MTSS1: variants seen among roughly 807,000 people sequenced by gnomAD.
MTSS1 encodes the protein protein MTSS 1.
MTSS1 carries 18 observed loss-of-function variants against 79.0 expected under a neutral mutation model. That is an observed-to-expected ratio of 0.23 (90% CI 0.16 to 0.34). The LOEUF (loss-of-function observed/expected upper bound fraction) is 0.34. Among genes scored for constraint, MTSS1 ranks in the 10% least tolerant of loss-of-function variants. The pLI is 1.00. For missense variants in MTSS1, 815 were observed against 986.2 expected (o/e 0.83, Z 2.33); for synonymous variants, 341 against 368.6 (o/e 0.93, Z 0.86).
At chr8:124,714,590 T>C (rs1831646776) in intron 1 of MTSS1, among the ~76,000 whole-genome samples, 1 of 152,142 alleles carries the variant, frequency 6.6e-6, no homozygotes, top group Non-Finnish European at 1.5e-5. Flanking sequence ...AGCCTCTGTG[T>C]AGCTGGGACT....
At chr8:124,700,013 C>G (rs917669990) in intron 2 of MTSS1, among the ~76,000 whole-genome samples, 3 of 151,988 alleles carry the variant, frequency 2.0e-5, no homozygotes, top group African/African-American at 7.3e-5. Context: ...GTGGTATGCA[C>G]CTATAATCCC....
intron 2 of MTSS1, among the ~76,000 whole-genome samples, chr8:124,702,098 C>T (rs1829783094): frequency 6.6e-6 from 1 of 152,184 alleles, no homozygotes; most frequent in Non-Finnish European, 1.5e-5. Flanking sequence ...CTGTTCATTA[C>T]TTTAAGCTTC....
At chr8:124,572,272 A>G (rs1374719115) in intron 6 of MTSS1, among the ~76,000 whole-genome samples, 3 of 152,232 alleles carry the variant, frequency 2.0e-5, no homozygotes, top group Admixed American at 1.3e-4. Context: ...AAAGATTGCT[A>G]TAATTATAGT....
In MTSS1 at chr8:124,728,165, G is replaced by A; in HGVS notation, c.-210C>T. 1 of 447,918 alleles carries A rather than the reference G, an allele frequency of 2.2e-6. No individual in the cohort carries two copies. The highest frequency in any genetic ancestry group is 4.4e-5 in the Admixed American group (1 of 22,936). The allele number at this position is 447,918 out of a possible 1,614,324, so 27.7% of individuals were successfully genotyped here. ...TTTAAAAAGCCAAACCGCTCTGTAG[G>A]GTATTCGCCTACAAGCAGCGCTCGG... On this transcript the variant is annotated 5_prime_UTR_variant, in exon 1 of 14. Coordinates refer to ENST00000518547, the MANE Select transcript of MTSS1 (RefSeq NM_014751.6). This position sits in a 1 kb window ranked among gnomAD's most constrained non-coding sequence, Gnocchi z 6.1.
chr8:124,699,460 C>T (rs1829381115), intron 3 of MTSS1, 66 bp downstream of exon 3: 13 of 1,428,268 alleles, frequency 9.1e-6, no homozygotes, highest in Non-Finnish European at 1.2e-5. Flanking sequence ...CTTGTGCAGC[C>T]ACCCAAGGGG....
intron 1 of MTSS1, among the ~76,000 whole-genome samples, chr8:124,724,829 G>A (rs1833448735): frequency 6.6e-6 from 1 of 152,158 alleles, no homozygotes; most frequent in Non-Finnish European, 1.5e-5. Context: ...ATGCAGTCAA[G>A]ATCGTCTACA....
At chr8:124,649,195 T>C (rs1231042364) in intron 3 of MTSS1, among the ~76,000 whole-genome samples, 2 of 152,244 alleles carry the variant, frequency 1.3e-5, no homozygotes, top group Admixed American at 6.5e-5. Flanking sequence ...TGTTTATCTA[T>C]TATCTAGGGC....
chr8:124,676,579 T>C (rs902738126), intron 3 of MTSS1, among the ~76,000 whole-genome samples: 2 of 152,212 alleles, frequency 1.3e-5, no homozygotes, highest in Non-Finnish European at 2.9e-5. Flanking sequence ...TAAACTCAGG[T>C]AATGGAGAGG....
At chr8:124,558,944 A>G (rs1824646948) in intron 10 of MTSS1, 3 of 1,343,066 alleles carry the variant, frequency 2.2e-6, no homozygotes, top group Non-Finnish European at 3.0e-6. Context: ...GGGCACACAC[A>G]GAGAGAAAGA....
chr8:124,622,783 G>T (rs1813843790), intron 3 of MTSS1, among the ~76,000 whole-genome samples: 1 of 130,346 alleles, frequency 7.7e-6, no homozygotes, highest in Non-Finnish European at 1.5e-5. Flanking sequence ...GCAGAGCAGG[G>T]AGTCCATCTC....
chr8:124,648,201 T>C (rs1819322546), intron 3 of MTSS1, among the ~76,000 whole-genome samples: 1 of 152,144 alleles, frequency 6.6e-6, no homozygotes, highest in Non-Finnish European at 1.5e-5. Flanking sequence ...CCAGAGTTGC[T>C]CCAAAGATTA....
At chr8:124,679,790 A>G (rs1825846659) in intron 3 of MTSS1, among the ~76,000 whole-genome samples, 2 of 152,232 alleles carry the variant, frequency 1.3e-5, no homozygotes, top group Admixed American at 6.5e-5. Flanking sequence ...TTTCGCATGC[A>G]TTTGCAACAA....
chr8:124,717,649 G>A (rs188462536), intron 1 of MTSS1, among the ~76,000 whole-genome samples: 27 of 152,286 alleles, frequency 1.8e-4, no homozygotes, highest in Admixed American at 3.9e-4. Context: ...AGCTGAGATC[G>A]CGCCACTGCA....
At chr8:124,711,439 A>C (rs1831146127) in intron 1 of MTSS1, among the ~76,000 whole-genome samples, 1 of 152,180 alleles carries the variant, frequency 6.6e-6, no homozygotes, top group Non-Finnish European at 1.5e-5. Context: ...GCCAGATCTG[A>C]CTTTGCAGCC....
At chr8:124,640,085 C>G (rs1817745699) in intron 3 of MTSS1, among the ~76,000 whole-genome samples, 1 of 152,200 alleles carries the variant, frequency 6.6e-6, no homozygotes, top group Non-Finnish European at 1.5e-5. Flanking sequence ...TTGTCCATCT[C>G]ATTTTACATT....
intron 3 of MTSS1, among the ~76,000 whole-genome samples, chr8:124,671,084 C>T (rs1402386868): frequency 2.0e-5 from 3 of 151,610 alleles, no homozygotes; most frequent in African/African-American, 7.3e-5. Context: ...CATGCCAATG[C>T]CAATAAGCTC....
chr8:124,710,041 T>C (rs1830935677), intron 1 of MTSS1, among the ~76,000 whole-genome samples: 1 of 152,216 alleles, frequency 6.6e-6, no homozygotes, highest in Admixed American at 6.5e-5. Flanking sequence ...GAAGGAAAAG[T>C]ACTTCTGGTA....
intron 3 of MTSS1, among the ~76,000 whole-genome samples, chr8:124,697,684 G>A (rs186557988): frequency 2.6e-3 from 392 of 152,204 alleles, no homozygotes; most frequent in Non-Finnish European, 3.6e-3. Flanking sequence ...AATATAAAAT[G>A]CAATACTATA....
At chr8:124,556,841 A>G (rs566537282) in intron 11 of MTSS1, among the ~76,000 whole-genome samples, 9 of 152,172 alleles carry the variant, frequency 5.9e-5, no homozygotes, top group Non-Finnish European at 1.3e-4. Flanking sequence ...TTCTCCCTCC[A>G]TTCCCAGGAA....
Sources: gnomAD v4.1 joint callset for allele counts (sites outside exome capture counted in the v4.1 genomes callset) on GRCh38, gnomAD v4.1.1 for gene constraint, Gnocchi (gnomAD v3.1) non-coding constraint, MANE v1.5 for transcripts, NCBI Gene and HGNC (gene_info 2026-07-23, HGNC 2026-07-21) for gene names.